EBF1: variants seen among roughly 807,000 people sequenced by gnomAD.
The protein encoded by EBF1 is transcription factor COE1.
A neutral mutation model predicts 68.4 loss-of-function variants in EBF1; 10 were observed. The ratio of observed to expected loss-of-function variants is 0.15; its 90% confidence interval spans 0.09 to 0.25. The LOEUF is 0.25. Among genes scored for constraint, EBF1 ranks in the 10% least tolerant of loss-of-function variants. EBF1 has a pLI of 1.00. For synonymous variants in EBF1, 298 were observed against 299.8 expected, an observed-to-expected ratio of 0.99 and a Z score of 0.06; for missense variants, 509 against 794.4, an observed-to-expected ratio of 0.64 and a Z score of 4.32.
chr5:158,945,369 A>G (rs1418460682), intron 6 of EBF1, among the ~76,000 whole-genome samples: 1 of 152,208 alleles, frequency 6.6e-6, no homozygotes, highest in Non-Finnish European at 1.5e-5. Flanking sequence ...TTTGTCAAAG[A>G]TCAGATGGTT....
chr5:158,726,704 G>T lies in EBF1; in HGVS notation c.1125+4365C>A, dbSNP rs115252698. Among the ~76,000 whole-genome samples, 1,381 of 152,328 alleles carry T rather than the reference G, an allele frequency of 9.1e-3. 7 individuals are homozygous for T. Among genetic ancestry groups the T allele is most frequent in the Non-Finnish European group, 0.015 (1,027 of 68,018 alleles). On this transcript the variant is annotated intron_variant, in intron 11 of 15. Coordinates refer to ENST00000313708, the MANE Select transcript of EBF1 (RefSeq NM_024007.5). ...TAGGGAAATGAGAGAAAGCTGGTGA[G>T]AATCTACATAAGGATGGGGGCCAGG... is the stretch of plus-strand genomic sequence containing the variant.
intron 6 of EBF1, among the ~76,000 whole-genome samples, chr5:158,986,654 A>C (rs983803607): frequency 3.3e-5 from 5 of 152,222 alleles, no homozygotes; most frequent in African/African-American, 1.2e-4. Flanking sequence ...CTGAGGACCA[A>C]ATTAAGTTAG....
intron 6 of EBF1, among the ~76,000 whole-genome samples, chr5:159,050,639 G>A (rs1773412702): frequency 6.6e-6 from 1 of 152,196 alleles, no homozygotes; most frequent in African/African-American, 2.4e-5. Context: ...CAGGCCATAA[G>A]CATGTTTGTA....
At chr5:158,922,065 C>G (rs567745208) in intron 6 of EBF1, among the ~76,000 whole-genome samples, 1 of 152,342 alleles carries the variant, frequency 6.6e-6, no homozygotes, top group East Asian at 1.9e-4. Context: ...GCTGGGTTCT[C>G]TCAGCTGCTT....
At chr5:159,081,134 T>G (rs920030288) in intron 5 of EBF1, among the ~76,000 whole-genome samples, 2 of 152,076 alleles carry the variant, frequency 1.3e-5, no homozygotes, top group Admixed American at 1.3e-4. Flanking sequence ...GCATGCACCA[T>G]GCCTGGCTAA....
At chr5:158,763,984 C>G (rs761498668) in intron 10 of EBF1, among the ~76,000 whole-genome samples, 2 of 152,190 alleles carry the variant, frequency 1.3e-5, no homozygotes, top group Non-Finnish European at 2.9e-5. Context: ...CTTGGATGCT[C>G]TTTTGATAAG....
rs2127485094 is a variant in EBF1, at chr5:158,711,370, G to A, written c.1549+784C>T. ...TACTATGTTATACCACCACCACCAC[G>A]TTATTATCTTTGCATCACTATGATT... is the stretch of plus-strand genomic sequence containing the variant. On this transcript the variant is annotated intron_variant, in intron 14 of 15. Coordinates refer to ENST00000313708, the MANE Select transcript of EBF1 (RefSeq NM_024007.5). Among the ~76,000 whole-genome samples, 3 of 152,208 alleles carry A rather than the reference G, an allele frequency of 2.0e-5. No individual in the cohort carries two copies. In the South Asian group the frequency reaches 6.2e-4, roughly 32 times the overall value.
intron 7 of EBF1, among the ~76,000 whole-genome samples, chr5:158,831,414 CATT>C (rs1787539607): frequency 6.6e-6 from 1 of 152,096 alleles, no homozygotes; most frequent in Non-Finnish European, 1.5e-5. Flanking sequence ...ATGTGCCAAA[CATT>C]ATTCTATGCA....
intron 6 of EBF1, among the ~76,000 whole-genome samples, chr5:158,978,229 C>T (rs188833729): frequency 1.2e-3 from 186 of 152,338 alleles, no homozygotes; most frequent in Non-Finnish European, 2.0e-3. Context: ...TGCGCCCTGA[C>T]CCCCGACATG....
chr5:159,099,526 T>TAAAAAAAAAAAAAAA lies in EBF1; in HGVS notation c.-63_-49dup. 2 of 1,103,436 alleles carry TAAAAAAAAAAAAAAA rather than the reference T, an allele frequency of 1.8e-6. No homozygotes were observed. The allele number at this position is 1,103,436 out of a possible 1,614,324, so 68.4% of individuals were successfully genotyped here. A position where few individuals can be genotyped will look rare whatever the true frequency, so the allele number is the denominator to read the frequency against. On this transcript the variant is annotated 5_prime_UTR_variant, in exon 1 of 16. Transcript: ENST00000313708. Reference sequence around the variant, plus strand: ...AAATCTCCTCCCCCTTGAAAAAAATTAAAAAAAAAAAAAAAGGAAAGAAAA... The same window carrying TAAAAAAAAAAAAAAA: ...AAATCTCCTCCCCCTTGAAAAAAATTAAAAAAAAAAAAAAAAAAAAAAAAAAAAAAGGAAAGAAAA...
chr5:158,884,940 T>C (rs1799723785), intron 6 of EBF1, among the ~76,000 whole-genome samples: 1 of 152,154 alleles, frequency 6.6e-6, no homozygotes, highest in Non-Finnish European at 1.5e-5. Flanking sequence ...CAAATGCAGG[T>C]GGCCTAACTC....
intron 6 of EBF1, among the ~76,000 whole-genome samples, chr5:158,996,520 G>A (rs1300081728): frequency 6.6e-6 from 1 of 152,210 alleles, no homozygotes; most frequent in Non-Finnish European, 1.5e-5. Flanking sequence ...TTTAAAATGT[G>A]AGCTTATTCT....
Position 158,885,931 on chromosome 5 carries a change from TCTCTGC to T in EBF1, c.555-45827_555-45822del, listed in dbSNP as rs1175145376. The stretch of plus-strand genomic sequence containing the variant: ...CTGCAAAGTACCTGTTGAAATTGCT[TCTCTGC>T]CTCTGCCCTCCCTACAACTTCCCCC... On this transcript the variant is annotated intron_variant, in intron 6 of 15. Transcript: ENST00000313708. Among the ~76,000 whole-genome samples the T allele has an allele frequency of 5.3e-5, 8 of 152,332 alleles. No individual in the cohort carries two copies. The East Asian group carries it at 1.5e-3, about 29-fold the overall frequency.
At chr5:159,006,508 C>G (rs1280195285) in intron 6 of EBF1, among the ~76,000 whole-genome samples, 2 of 151,782 alleles carry the variant, frequency 1.3e-5, no homozygotes, top group South Asian at 4.2e-4. Flanking sequence ...ACTTTTATTC[C>G]TCTCTTAGAG....
At chr5:158,769,615 T>A (rs1372579555) in intron 10 of EBF1, among the ~76,000 whole-genome samples, 1 of 152,170 alleles carries the variant, frequency 6.6e-6, no homozygotes, top group Non-Finnish European at 1.5e-5. Context: ...TTGTTGTTGT[T>A]GTTGTTCTCA....
intron 8 of EBF1, among the ~76,000 whole-genome samples, chr5:158,821,047 C>G (rs1784713256): frequency 6.6e-6 from 1 of 152,178 alleles, no homozygotes; most frequent in Non-Finnish European, 1.5e-5. Context: ...CAACAACTGG[C>G]TGGGGCCGAG....
At chr5:158,819,413 C>G (rs1784383060) in intron 8 of EBF1, among the ~76,000 whole-genome samples, 1 of 152,206 alleles carries the variant, frequency 6.6e-6, no homozygotes, top group East Asian at 1.9e-4. Flanking sequence ...GGGCTCTGCA[C>G]CACAGTGTTG....
intron 6 of EBF1, among the ~76,000 whole-genome samples, chr5:158,872,189 G>C (rs1032065171): frequency 6.6e-6 from 1 of 150,480 alleles, no homozygotes. Context: ...AAAACTTTTG[G>C]TCTTTTCTTT....
intron 6 of EBF1, among the ~76,000 whole-genome samples, chr5:159,069,252 TG>T (rs1208852816): frequency 6.6e-6 from 1 of 152,000 alleles, no homozygotes; most frequent in Non-Finnish European, 1.5e-5. Context: ...AAGGATTCAT[TG>T]CACAAGGAAT....
Sources: gnomAD v4.1 joint callset for allele counts (sites outside exome capture counted in the v4.1 genomes callset) on GRCh38, gnomAD v4.1.1 for gene constraint, MANE v1.5 for transcripts, NCBI Gene and HGNC (gene_info 2026-07-23, HGNC 2026-07-21) for gene names.